L3MBTL4: variants seen among roughly 807,000 people sequenced by gnomAD.
L3MBTL4 encodes the protein L3MBTL histone methyl-lysine binding protein 4.
In L3MBTL4, 70 loss-of-function variants were observed where a neutral mutation model predicts 84.5. The observed-to-expected ratio is 0.83, with a 90% CI of 0.68 to 1.01. The LOEUF is 1.01. L3MBTL4 is among the 50% of genes least tolerant of loss of function. The pLI is 0.00. For missense variants in L3MBTL4, 715 were observed against 754.8 expected (o/e 0.95, Z 0.62); for synonymous variants, 274 against 259.8 (o/e 1.05, Z -0.52).
intron 1 of L3MBTL4, among the ~76,000 whole-genome samples, chr18:6,330,069 A>C (rs868312708): frequency 6.6e-6 from 1 of 152,182 alleles, no homozygotes; most frequent in East Asian, 1.9e-4. Flanking sequence ...GTTGCTGATG[A>C]GTATTTGAGT....
At chr18:6,142,733 T>G (rs987180946) in intron 13 of L3MBTL4, among the ~76,000 whole-genome samples, 3 of 152,112 alleles carry the variant, frequency 2.0e-5, no homozygotes, top group African/African-American at 7.2e-5. Context: ...CCTGCCTGGG[T>G]AACATAGACC....
chr18:5,971,391 G>T (rs1415415280), intron 16 of L3MBTL4, among the ~76,000 whole-genome samples: 1 of 152,152 alleles, frequency 6.6e-6, no homozygotes, highest in Non-Finnish European at 1.5e-5. Flanking sequence ...TTCTGGAAAA[G>T]AATAACCACA....
chr18:6,290,579 G>A (rs1228650625), intron 4 of L3MBTL4, among the ~76,000 whole-genome samples: 2 of 151,594 alleles, frequency 1.3e-5, no homozygotes, highest in African/African-American at 4.9e-5. Context: ...CCAGGTTGGA[G>A]AGCAGTGGTG....
intron 1 of L3MBTL4, among the ~76,000 whole-genome samples, chr18:6,379,658 A>T (rs545020702): frequency 6.6e-6 from 1 of 152,132 alleles, no homozygotes; most frequent in Non-Finnish European, 1.5e-5. Flanking sequence ...TGCATCCCAG[A>T]TATGAAGCCG....
At chr18:6,088,999 A>C (rs1320793272) in intron 15 of L3MBTL4, among the ~76,000 whole-genome samples, 1 of 152,206 alleles carries the variant, frequency 6.6e-6, no homozygotes, top group African/African-American at 2.4e-5. Context: ...CAATGATAGA[A>C]TATGACAGGT....
At chr18:6,221,397 T>C (rs1176624424) in intron 10 of L3MBTL4, among the ~76,000 whole-genome samples, 2 of 152,120 alleles carry the variant, frequency 1.3e-5, no homozygotes, top group East Asian at 3.9e-4. Context: ...TAGACAAATC[T>C]ATCTGTCTAT....
chr18:6,161,061 A>G (rs2043317694), intron 13 of L3MBTL4, among the ~76,000 whole-genome samples: 1 of 152,244 alleles, frequency 6.6e-6, no homozygotes. Flanking sequence ...TGATATTTTC[A>G]TATTTTTAAA....
At chr18:6,033,123 A>G (rs1436216503) in intron 16 of L3MBTL4, among the ~76,000 whole-genome samples, 3 of 152,010 alleles carry the variant, frequency 2.0e-5, no homozygotes, top group Non-Finnish European at 4.4e-5. Context: ...TCTCCCTTCC[A>G]TTCTTTCAGT....
intron 10 of L3MBTL4, among the ~76,000 whole-genome samples, chr18:6,230,679 A>G (rs970896094): frequency 1.3e-5 from 2 of 152,160 alleles, no homozygotes; most frequent in Non-Finnish European, 2.9e-5. Context: ...TGCTTTCCAC[A>G]ATGGCTGAAC....
chr18:5,972,482 T>C (rs540817293), intron 16 of L3MBTL4, among the ~76,000 whole-genome samples: 3 of 152,258 alleles, frequency 2.0e-5, no homozygotes, highest in Admixed American at 2.0e-4. Flanking sequence ...CCCAGTGTGT[T>C]GTGAATACTC....
rs187952221 is a variant in L3MBTL4, at chr18:6,301,521, C to A, written c.127+382G>T. On this transcript the variant is annotated intron_variant, in intron 4 of 18. Coordinates refer to ENST00000317931, the MANE Select transcript of L3MBTL4 (RefSeq NM_001330559.2). Reference sequence around the variant, plus strand: ...AGAAAATGCACAATCTCCTCTACAACATGACTTCAATACAATGCAATCATT... The same window carrying A: ...AGAAAATGCACAATCTCCTCTACAAAATGACTTCAATACAATGCAATCATT... Among the ~76,000 whole-genome samples the A allele has an allele frequency of 5.6e-4, 85 of 152,274 alleles. 1 individual carries two copies. The highest frequency in any genetic ancestry group is 2.0e-3 in the African/African-American group (82 of 41,578).
intron 11 of L3MBTL4, 134 bp from the exon 12 acceptor site, chr18:6,213,393 T>G (rs2046196431): frequency 3.5e-6 from 2 of 576,378 alleles, no homozygotes; most frequent in Admixed American, 7.1e-5. Flanking sequence ...TAGTGTTTTT[T>G]GTTTTGCTTT....
chr18:6,015,370 G>A (rs1216603804), intron 16 of L3MBTL4, among the ~76,000 whole-genome samples: 1 of 152,004 alleles, frequency 6.6e-6, no homozygotes, highest in Non-Finnish European at 1.5e-5. Context: ...AGGTGGGGGT[G>A]GATGGCAAGC....
chr18:6,271,721 C>T (rs2048878492), intron 4 of L3MBTL4, among the ~76,000 whole-genome samples: 1 of 152,102 alleles, frequency 6.6e-6, no homozygotes, highest in Non-Finnish European at 1.5e-5. Context: ...GGCGCTTCCT[C>T]GCACCTGAGT....
intron 13 of L3MBTL4, among the ~76,000 whole-genome samples, chr18:6,148,622 G>A (rs1472370362): frequency 6.6e-6 from 1 of 151,940 alleles, no homozygotes; most frequent in African/African-American, 2.4e-5. Flanking sequence ...TAGTGAGGGG[G>A]GTCATGCTAT....
At chr18:6,088,659 G>A (rs1380789014) in intron 15 of L3MBTL4, among the ~76,000 whole-genome samples, 1 of 152,138 alleles carries the variant, frequency 6.6e-6, no homozygotes, top group Non-Finnish European at 1.5e-5. Context: ...GTGAGAAAAA[G>A]GCTGGTGGAT....
chr18:6,105,973 A>T (rs2058992407), intron 14 of L3MBTL4, among the ~76,000 whole-genome samples: 1 of 152,216 alleles, frequency 6.6e-6, no homozygotes, highest in Non-Finnish European at 1.5e-5. Flanking sequence ...TCATAGTGCC[A>T]TAGTTTTTAC....
At chr18:6,332,695 A>G (rs558211206) in intron 1 of L3MBTL4, among the ~76,000 whole-genome samples, 1 of 152,242 alleles carries the variant, frequency 6.6e-6, no homozygotes, top group Non-Finnish European at 1.5e-5. Context: ...ATGCAGAGGA[A>G]GGTGGAACCA....
At chr18:5,956,946 G>A (rs1008892202) in intron 18 of L3MBTL4, among the ~76,000 whole-genome samples, 1 of 151,980 alleles carries the variant, frequency 6.6e-6, no homozygotes, top group Non-Finnish European at 1.5e-5. Context: ...ACAGAACATG[G>A]TATATGATAG....
Sources: allele counts gnomAD v4.1 joint callset (sites outside exome capture counted in the v4.1 genomes callset), GRCh38; gene constraint gnomAD v4.1.1; transcripts MANE v1.5; gene names NCBI Gene and HGNC (gene_info 2026-07-23, HGNC 2026-07-21).